Variants in TYRO3 observed in about 807,000 individuals in gnomAD.
TYRO3 encodes the protein TYRO3 protein tyrosine kinase.
In TYRO3, 38 loss-of-function variants were observed where a neutral mutation model predicts 95.2. That is an observed-to-expected ratio of 0.40 (90% CI 0.31 to 0.52). The LOEUF (loss-of-function observed/expected upper bound fraction) is 0.52, where lower values mean the gene tolerates loss of function less well. TYRO3 is among the 20% of genes least tolerant of loss of function. TYRO3 has a pLI of 0.56. For synonymous variants in TYRO3, 367 were observed against 432.9 expected (o/e 0.85, Z 1.89); for missense variants, 812 against 1,116.4 (o/e 0.73, Z 3.89).
At chr15:41,572,606 G>C (rs1315063305) in intron 15 of TYRO3, 42 bp downstream of exon 15, 1 of 1,351,296 alleles carries the variant, frequency 7.4e-7, no homozygotes. Flanking sequence ...AAACGGGTGG[G>C]AACACAGGGC....
Position 41,573,685 on chromosome 15 carries a change from T to C in TYRO3, c.2152T>C (p.Phe718Leu), listed in dbSNP as rs998399676. ...AACCTCGATTCTGTCCCAGTGGGCGTTCGGGGTGACCATGTGGGAGATCAT... is the reference window on the plus strand; with the variant it reads ...AACCTCGATTCTGTCCCAGTGGGCGCTCGGGGTGACCATGTGGGAGATCAT... ...LYTVQSDVWA[F>L]GVTMWEIMTR... Residue 718 changes from phenylalanine to leucine, a missense_variant, in exon 18 of 19, where the codon TTC becomes CTC. Transcript: ENST00000263798. 7 of 1,614,128 alleles carry C rather than the reference T, an allele frequency of 4.3e-6. No homozygotes were observed. Among genetic ancestry groups the C allele is most frequent in the African/African-American group, 1.3e-5 (1 of 74,942 alleles).
chr15:41,568,820 C>G, intron 8 of TYRO3, 58 bp from the exon 9 acceptor site: 2 of 1,577,238 alleles, frequency 1.3e-6, no homozygotes, highest in Non-Finnish European at 1.7e-6. Flanking sequence ...TCCTCAGGCC[C>G]CAGCTGGAGG....
At position 41,559,239 on chromosome 15, in the gene TYRO3, T is replaced by G. The variant is rs1368214933; in HGVS notation, c.-19T>G. ...CCTCGCTCGCGGGCCGGGCCCGGCA[T>G]GGTGCGGCGTCGCCGCCGATGGCGC... is the stretch of plus-strand genomic sequence containing the variant. On this transcript the variant is annotated 5_prime_UTR_variant, in exon 1 of 19. The change abolishes an upstream ATG in the 5' untranslated region. Transcript: ENST00000263798. 46 of 334,806 alleles carry G rather than the reference T, an allele frequency of 1.4e-4. No individual in the cohort carries two copies. The highest frequency in any genetic ancestry group is 1.9e-4 in the East Asian group (3 of 15,748). 20.7% of individuals were successfully genotyped at this position (334,806 alleles called of 1,614,324 possible). A position where few individuals can be genotyped will look rare whatever the true frequency, so the allele number is the denominator to read the frequency against.
At chr15:41,573,935 G>A in intron 18 of TYRO3, 120 bp downstream of exon 18, 1 of 1,091,100 alleles carries the variant, frequency 9.2e-7, no homozygotes, top group South Asian at 1.5e-5. Context: ...CCTTGTAGTT[G>A]GAAGGCTGCA....
In TYRO3 at chr15:41,567,533, T is replaced by G; in HGVS notation, c.957T>G (p.Gly319=). 1 of 1,557,884 alleles carries G rather than the reference T, an allele frequency of 6.4e-7. No individual in the cohort carries two copies. Among genetic ancestry groups the G allele is most frequent in the South Asian group, 1.2e-5 (1 of 80,040 alleles). ...ACTGGGTGCCCTTTCAGACCAAGGGTCTAGGTAAGGGATGCATAGAGCAGA... is the reference window on the plus strand; with the variant it reads ...ACTGGGTGCCCTTTCAGACCAAGGGGCTAGGTAAGGGATGCATAGAGCAGA... ...YADWVPFQTK[G]LAPASAPQNL... The change falls in exon 7 of 19, where the codon GGT becomes GGG. Residue 319 remains glycine (G), a synonymous_variant. Coordinates refer to ENST00000263798, the MANE Select transcript of TYRO3 (RefSeq NM_006293.4).
chr15:41,579,340 G>A lies in TYRO3; in HGVS notation c.*1064G>A, dbSNP rs1341499316. On this transcript the variant is annotated 3_prime_UTR_variant, in exon 19 of 19. Transcript: ENST00000263798. ...TAAAATTGAAGACTAAAGACCTAAG[G>A]TTTTGTCTCTTTTTTTTTTTCTTTT... 7.0e-6 allele frequency: 1 copy of A among 143,300 alleles called. No individual in the cohort carries two copies. The highest frequency in any genetic ancestry group is 1.6e-5 in the Non-Finnish European group (1 of 62,970). The allele number at this position is 143,300 out of a possible 1,614,324, so 8.9% of individuals were successfully genotyped here.
rs1448963300 is a variant in TYRO3, at chr15:41,580,613, C to G, written c.*2337C>G. ...TTGAAAATGCAAATATTCAGCTGGG[C>G]ACAGTGGCGTGTATTTTTTTTTTTT... On this transcript the variant is annotated 3_prime_UTR_variant, in exon 19 of 19. Coordinates refer to ENST00000263798, the MANE Select transcript of TYRO3 (RefSeq NM_006293.4). 6.6e-6 allele frequency: 1 copy of G among 151,486 alleles called. No homozygotes were observed. The highest frequency in any genetic ancestry group is 1.9e-4 in the East Asian group (1 of 5,158). The allele number at this position is 151,486 out of a possible 1,614,324, so 9.4% of individuals were successfully genotyped here.
At chr15:41,569,207 C>T (rs541301606) in intron 9 of TYRO3, among the ~76,000 whole-genome samples, 185 bp downstream of exon 9, 23 of 151,160 alleles carry the variant, frequency 1.5e-4, no homozygotes, top group African/African-American at 5.3e-4. Flanking sequence ...CCTGTAATCC[C>T]AACATTTTGG....
intron 18 of TYRO3, chr15:41,574,640 G>A (rs1371108892): frequency 4.4e-6 from 2 of 455,920 alleles, no homozygotes; most frequent in East Asian, 6.9e-5. Flanking sequence ...CAACAACTGT[G>A]ATTTGTCTGT....
rs1566901851 is a variant in TYRO3 at position 41,570,352 on chromosome 15, G to T, written c.1483+12G>T. The T allele has an allele frequency of 6.2e-7, 1 of 1,612,886 alleles. No homozygotes were observed. The highest frequency in any genetic ancestry group is 1.7e-5 in the Admixed American group (1 of 60,016). On this transcript the variant is annotated intron_variant, in intron 11 of 18. Coordinates refer to ENST00000263798, the MANE Select transcript of TYRO3 (RefSeq NM_006293.4). ...CATCGAGGCCACATGTGAGTGGTGG[G>T]TGATCGTGGGAAGGACAAATGGGCT... is the stretch of plus-strand genomic sequence containing the variant.
chr15:41,561,849 A>G, intron 3 of TYRO3: 1 of 454,962 alleles, frequency 2.2e-6, no homozygotes, highest in Non-Finnish European at 4.0e-6. Context: ...ACTGGGATCC[A>G]CAACCTGTGG....
intron 6 of TYRO3, among the ~76,000 whole-genome samples, chr15:41,565,993 C>A (rs1417274514): frequency 6.6e-6 from 1 of 152,074 alleles, no homozygotes; most frequent in Non-Finnish European, 1.5e-5. Flanking sequence ...CAGGAGGGGC[C>A]CCTGCTCTGG....
chr15:41,570,906 C>A, intron 12 of TYRO3, 132 bp from the exon 13 acceptor site: 3 of 1,055,058 alleles, frequency 2.8e-6, no homozygotes, highest in Non-Finnish European at 4.3e-6. Flanking sequence ...CTTGCTTTGG[C>A]TACTGGCAAG....
At chr15:41,568,123 T>G in intron 7 of TYRO3, 94 bp from the exon 8 acceptor site, 2 of 1,524,866 alleles carry the variant, frequency 1.3e-6, no homozygotes, top group Non-Finnish European at 1.8e-6. Flanking sequence ...CTCTCAGAGC[T>G]GTTTAGTTCT....
At chr15:41,564,655 G>C (rs1381349093) in intron 5 of TYRO3, 11 of 370,272 alleles carry the variant, frequency 3.0e-5, no homozygotes, top group Non-Finnish European at 3.6e-5. Context: ...TGTACAGAGA[G>C]AGGGGGAGGG....
chr15:41,570,504 G>T, intron 11 of TYRO3, 100 bp from the exon 12 acceptor site: 2 of 1,358,410 alleles, frequency 1.5e-6, no homozygotes, highest in South Asian at 1.2e-5. Flanking sequence ...GGAGACCTAA[G>T]CTCATCTCTA....
In TYRO3 at chr15:41,559,233, C is replaced by T. The variant is rs1344313351; in HGVS notation, c.-25C>T. The stretch of plus-strand genomic sequence containing the variant: ...CTCCCTCCTCGCTCGCGGGCCGGGC[C>T]CGGCATGGTGCGGCGTCGCCGCCGA... On this transcript the variant is annotated 5_prime_UTR_variant, in exon 1 of 19. Transcript: ENST00000263798. 6.1e-5 allele frequency: 21 copies of T among 341,680 alleles called. No homozygotes were observed. Among genetic ancestry groups the T allele is most frequent in the Middle Eastern group, 8.4e-4 (1 of 1,190 alleles). 21.2% of individuals were successfully genotyped at this position (341,680 alleles called of 1,614,324 possible).
Position 41,580,191 on chromosome 15 carries a change from C to T in TYRO3, c.*1915C>T, listed in dbSNP as rs2055907831. The T allele has an allele frequency of 6.6e-6, 1 of 152,040 alleles. No homozygotes were observed. The allele number at this position is 152,040 out of a possible 1,614,324, so 9.4% of individuals were successfully genotyped here. Reference sequence around the variant, plus strand: ...GAATCTTATTATACTGAAGATAATACAGAGTCACCGTGGGCAGTTAGAAAA... The same window carrying T: ...GAATCTTATTATACTGAAGATAATATAGAGTCACCGTGGGCAGTTAGAAAA... On this transcript the variant is annotated 3_prime_UTR_variant, in exon 19 of 19. Coordinates refer to ENST00000263798, the MANE Select transcript of TYRO3 (RefSeq NM_006293.4).
chr15:41,569,535 C>A (rs934625230), intron 9 of TYRO3, among the ~76,000 whole-genome samples: 1 of 152,018 alleles, frequency 6.6e-6, no homozygotes, highest in Admixed American at 6.6e-5. Context: ...CTTTGGGAGG[C>A]TGAGGTGGAA....
Sources: allele counts gnomAD v4.1 joint callset (sites outside exome capture counted in the v4.1 genomes callset), GRCh38; gene constraint gnomAD v4.1.1; transcripts MANE v1.5; gene names NCBI Gene and HGNC (gene_info 2026-07-23, HGNC 2026-07-21).